DHX15: variants seen among roughly 807,000 people sequenced by gnomAD.
The protein encoded by DHX15 is DEAH-box helicase 15, also known as ATP-dependent RNA helicase DHX15.
A neutral mutation model predicts 94.4 loss-of-function variants in DHX15; 11 were observed. The ratio of observed to expected loss-of-function variants is 0.12; its 90% CI spans 0.07 to 0.19. DHX15 has a LOEUF of 0.19. DHX15 is among the 10% of genes least tolerant of loss of function. DHX15 has a pLI of 1.00. For synonymous variants in DHX15, 338 were observed against 329.9 expected (o/e 1.02, Z -0.27); for missense variants, 304 against 988.5 (o/e 0.31, Z 9.29).
At chr4:24,535,072 CTGCAA>C (rs1344568590) in intron 11 of DHX15, among the ~76,000 whole-genome samples, 4 of 151,770 alleles carry the variant, frequency 2.6e-5, no homozygotes, top group Non-Finnish European at 4.4e-5. Flanking sequence ...TCATCACATA[CTGCAA>C]ACCCCTAAAA....
chr4:24,556,471 G>C, intron 3 of DHX15, 61 bp from the exon 4 acceptor site: 2 of 1,386,970 alleles, frequency 1.4e-6, no homozygotes, highest in Non-Finnish European at 2.0e-6. Flanking sequence ...ACCAAACTTC[G>C]TGACAAAAAT....
intron 2 of DHX15, among the ~76,000 whole-genome samples, chr4:24,575,244 C>T (rs1431675537): frequency 6.6e-6 from 1 of 151,912 alleles, no homozygotes; most frequent in African/African-American, 2.4e-5. Flanking sequence ...ACAGTACCTT[C>T]AAAATGTCTC....
chr4:24,544,178 AT>A (rs1721375904), intron 6 of DHX15, among the ~76,000 whole-genome samples: 1 of 152,188 alleles, frequency 6.6e-6, no homozygotes, highest in Non-Finnish European at 1.5e-5. Context: ...AAATGAAAAG[AT>A]TTATATTTAT....
At chr4:24,549,502 A>G (rs1721538784) in intron 5 of DHX15, among the ~76,000 whole-genome samples, 2 of 152,230 alleles carry the variant, frequency 1.3e-5, no homozygotes, top group Non-Finnish European at 2.9e-5. Flanking sequence ...TTACAGTATC[A>G]ACACAGATAT....
At chr4:24,544,340 G>C (rs1270189041) in intron 6 of DHX15, among the ~76,000 whole-genome samples, 3 of 152,044 alleles carry the variant, frequency 2.0e-5, no homozygotes, top group Admixed American at 6.6e-5. Context: ...AATACTAACA[G>C]GAAACCTCAG....
chr4:24,558,914 C>A (rs1320220169), intron 3 of DHX15, among the ~76,000 whole-genome samples: 1 of 152,124 alleles, frequency 6.6e-6, no homozygotes, highest in Non-Finnish European at 1.5e-5. Context: ...TTAACACACT[C>A]TTCACAAAGT....
intron 9 of DHX15, 151 bp from the exon 10 acceptor site, chr4:24,540,450 C>CA: frequency 1.5e-6 from 1 of 648,542 alleles, no homozygotes; most frequent in Non-Finnish European, 2.5e-6. Context: ...ACAGATCTAG[C>CA]AAACAATGAA....
intron 1 of DHX15, among the ~76,000 whole-genome samples, chr4:24,577,770 G>A (rs1326685757): frequency 6.6e-6 from 1 of 152,106 alleles, no homozygotes; most frequent in Non-Finnish European, 1.5e-5. Context: ...CAGCCTCTGG[G>A]AGACTGGTGG....
At chr4:24,560,781 T>C (rs948861440) in intron 3 of DHX15, among the ~76,000 whole-genome samples, 1 of 152,092 alleles carries the variant, frequency 6.6e-6, no homozygotes, top group African/African-American at 2.4e-5. Flanking sequence ...CCTGAGAAGA[T>C]GAAAAAAGCA....
intron 11 of DHX15, among the ~76,000 whole-genome samples, chr4:24,534,956 CTT>C (rs35732046): frequency 3.5e-5 from 5 of 143,224 alleles, no homozygotes; most frequent in Admixed American, 6.9e-5. Context: ...AAGTTTTTTG[CTT>C]TTTTTTTTTT....
rs958496115 is a variant in DHX15, at chr4:24,576,235, T to C, written c.507+8A>G. On this transcript the variant is annotated splice_region_variant and intron_variant, in intron 2 of 13. Transcript: ENST00000336812. ...ATGAAATATGTACCATGGTATACAA[T>C]AACTCACCTGTGTTGTTTTACCAGA... 1.1e-5 allele frequency: 18 copies of C among 1,606,624 alleles called. No individual in the cohort carries two copies. In the East Asian group the frequency reaches 3.8e-4, roughly 34 times the overall value.
chr4:24,541,808 C>T, intron 8 of DHX15, 65 bp downstream of exon 8: 1 of 1,434,932 alleles, frequency 7.0e-7, no homozygotes, highest in Non-Finnish European at 9.3e-7. Context: ...AGGCAATGTT[C>T]TTCTGGTAAG....
chr4:24,542,676 A>G (rs886733982), intron 7 of DHX15, among the ~76,000 whole-genome samples: 4 of 152,086 alleles, frequency 2.6e-5, no homozygotes, highest in African/African-American at 9.7e-5. Context: ...AAATGAATAT[A>G]CAAGCCAAAA....
At chr4:24,550,155 C>CT (rs1209836264) in intron 5 of DHX15, among the ~76,000 whole-genome samples, 1 of 137,680 alleles carries the variant, frequency 7.3e-6, no homozygotes, top group East Asian at 2.3e-4. Context: ...TATAGGGCAT[C>CT]TGCCATGAAA....
chr4:24,577,208 A>G (rs1294810431), intron 1 of DHX15, among the ~76,000 whole-genome samples: 2 of 152,188 alleles, frequency 1.3e-5, no homozygotes, highest in Non-Finnish European at 2.9e-5. Flanking sequence ...CTTCTAATAA[A>G]TTACTTTAAT....
rs1722559586 is a variant in DHX15, at chr4:24,584,404, T to G, written c.-11A>C. On this transcript the variant is annotated 5_prime_UTR_variant, in exon 1 of 14. Transcript: ENST00000336812. Reference sequence around the variant, plus strand: ...GTGCCGCTTGGACATCCTCGCACTCTTCGAACGGGCAGTTATTAAGGAAGA... The same window carrying G: ...GTGCCGCTTGGACATCCTCGCACTCGTCGAACGGGCAGTTATTAAGGAAGA... 1 of 1,610,460 alleles carries G rather than the reference T, an allele frequency of 6.2e-7. No homozygotes were observed. Among genetic ancestry groups the G allele is most frequent in the South Asian group, 1.1e-5 (1 of 90,420 alleles).
chr4:24,556,394 T>A lies in DHX15; in HGVS notation c.718A>T (p.Met240Leu). The change falls in exon 4 of 14, where the codon ATG (methionine) becomes TTG (leucine). Residue 240 changes from methionine (M) to leucine (L), a missense_variant. By Grantham distance (15) the Met-to-Leu change is conservative (BLOSUM62 2). Around this residue, in one of 9 missense-constraint regions of DHX15, gnomAD observed 29 missense variants for 181.6 expected, o/e 0.16. Coordinates refer to ENST00000336812, the MANE Select transcript of DHX15 (RefSeq NM_001358.3). ...TCATTCATAGCTTCACGAAGTAACA[T>A]CCCATCAGTCATATACCTATATTCC... is the stretch of plus-strand genomic sequence containing the variant. The part of the protein sequence containing the change: ...KTILKYMTDG[M>L]LLREAMNDPL... 6.2e-7 allele frequency: 1 copy of A among 1,613,474 alleles called. No homozygotes were observed. The highest frequency in any genetic ancestry group is 8.5e-7 in the Non-Finnish European group (1 of 1,179,582).
In DHX15 at chr4:24,576,495, T is replaced by G; in HGVS notation, c.255A>C (p.Ser85=). ...AATGCGTTGAATGTGCTGAGTGGGT[T>G]GAGTGAGCTGAATGGGAAGCTTTCA... ...PPLKASHSAH[S]THSAHSTHST... is the part of the protein sequence containing the mutation. The change falls in exon 2 of 14, where the codon TCA becomes TCC. Residue 85 remains serine, a synonymous_variant. Transcript: ENST00000336812. 1 of 1,614,186 alleles carries G rather than the reference T, an allele frequency of 6.2e-7. No homozygotes were observed. Among genetic ancestry groups the G allele is most frequent in the Non-Finnish European group, 8.5e-7 (1 of 1,180,034 alleles).
chr4:24,541,740 T>C lies in DHX15; in HGVS notation c.1485+133A>G. The C allele has an allele frequency of 2.2e-6, 2 of 910,182 alleles. 1 individual carries two copies. The highest frequency in any genetic ancestry group is 3.2e-6 in the Non-Finnish European group (2 of 617,976). The allele number at this position is 910,182 out of a possible 1,614,324, so 56.4% of individuals were successfully genotyped here. On this transcript the variant is annotated intron_variant, in intron 8 of 13. Transcript: ENST00000336812. ...CTATCTAAGTTAATTACACCATACA[T>C]TTCACTCCTGGAAAAGCTAAGGAGC...
Sources: allele counts gnomAD v4.1 joint callset (sites outside exome capture counted in the v4.1 genomes callset), GRCh38; gene constraint gnomAD v4.1.1; regional missense constraint gnomAD v4.1.1; transcripts MANE v1.5; gene names NCBI Gene and HGNC (gene_info 2026-07-23, HGNC 2026-07-21).